Variants in YTHDC1 observed in about 807,000 individuals in gnomAD.
YTHDC1 encodes the protein YTH domain-containing protein 1.
A neutral mutation model predicts 107.0 loss-of-function variants in YTHDC1; 12 were observed. The ratio of observed to expected loss-of-function variants is 0.11; its 90% CI spans 0.07 to 0.18. The LOEUF (loss-of-function observed/expected upper bound fraction) is 0.18, where lower values mean the gene tolerates loss of function less well. Ranked by LOEUF, YTHDC1 falls within the 10% of genes least tolerant of loss-of-function variation. The probability of loss-of-function intolerance (pLI) is 1.00; values close to 1 mark genes in which losing one functional copy is unlikely to be tolerated. For synonymous variants in YTHDC1, 280 were observed against 289.5 expected, an observed-to-expected ratio of 0.97 and a Z score of 0.33; for missense variants, 635 against 898.8, an observed-to-expected ratio of 0.71 and a Z score of 3.75.
rs776943511 is a variant in YTHDC1, at chr4:68,349,748, C to T, written c.6G>A (p.Ala2=). The T allele has an allele frequency of 1.1e-5, 17 of 1,613,470 alleles. No individual in the cohort carries two copies. In the African/African-American group the frequency reaches 2.3e-4, roughly 22 times the overall value. The change falls in exon 1 of 17, where the codon GCG becomes GCA. Residue 2 remains alanine (A), a synonymous_variant. Coordinates refer to ENST00000344157, the MANE Select transcript of YTHDC1 (RefSeq NM_001031732.4). ...AACCTTTCTCCTCCCGACTGTCAGCCGCCATGGCTCCCCTTCGGTTTCCGC... is the reference window on the plus strand; with the variant it reads ...AACCTTTCTCCTCCCGACTGTCAGCTGCCATGGCTCCCCTTCGGTTTCCGC... M[A]ADSREEKDGE... is the part of the protein sequence containing the mutation.
chr4:68,316,300 C>T lies in YTHDC1; in HGVS notation c.1959+14G>A. ...AAGTAGTTCCCTCACACCTTTGCCTCCTTGTGCACTTACTACTCGTTTATC... is the reference window on the plus strand; with the variant it reads ...AAGTAGTTCCCTCACACCTTTGCCTTCTTGTGCACTTACTACTCGTTTATC... On this transcript the variant is annotated intron_variant, in intron 16 of 16. Transcript: ENST00000344157. 1.9e-6 allele frequency: 3 copies of T among 1,607,910 alleles called. No individual in the cohort carries two copies. The highest frequency in any genetic ancestry group is 1.3e-5 in the African/African-American group (1 of 74,820).
chr4:68,342,493 T>C lies in YTHDC1; in HGVS notation c.29-4109A>G, dbSNP rs116645450. Among the ~76,000 whole-genome samples the C allele has an allele frequency of 6.0e-3, 909 of 152,298 alleles. 11 individuals carry two copies. The highest frequency in any genetic ancestry group is 0.021 in the African/African-American group (858 of 41,548). On this transcript the variant is annotated intron_variant, in intron 1 of 16. Coordinates refer to ENST00000344157, the MANE Select transcript of YTHDC1 (RefSeq NM_001031732.4). ...TAGCTTCAAACAGAGGGGACACATA[T>C]TCCAATCACTGTTGACAGAAGTGTC...
chr4:68,311,851 T>C lies in YTHDC1; in HGVS notation c.*2248A>G, dbSNP rs1371607765. On this transcript the variant is annotated 3_prime_UTR_variant, in exon 17 of 17. Transcript: ENST00000344157. ...TGCTTAAGCCTGAAGGAAATGTTAA[T>C]GTTTAAAAATCTCAGGCCAGGTGCA... The C allele has an allele frequency of 4.6e-5, 7 of 152,228 alleles. No individual in the cohort carries two copies. The highest frequency in any genetic ancestry group is 1.4e-4 in the African/African-American group (6 of 41,454). 9.4% of individuals were successfully genotyped at this position (152,228 alleles called of 1,614,324 possible). A position where few individuals can be genotyped will look rare whatever the true frequency, so the allele number is the denominator to read the frequency against.
chr4:68,334,250 A>G (rs1723913041), intron 4 of YTHDC1, among the ~76,000 whole-genome samples: 1 of 152,222 alleles, frequency 6.6e-6, no homozygotes, highest in African/African-American at 2.4e-5. Context: ...GAAGAAAAAA[A>G]TGCATATACT....
At position 68,310,649 on chromosome 4, in the gene YTHDC1, A is replaced by C. The variant is rs1008842821; in HGVS notation, c.*3450T>G. On this transcript the variant is annotated 3_prime_UTR_variant, in exon 17 of 17. Coordinates refer to ENST00000344157, the MANE Select transcript of YTHDC1 (RefSeq NM_001031732.4). ...TTCTTTCCTGTGTGCCTCAATTTTA[A>C]TATGTGTTTCAAACTGCATTTGGAA... The C allele has an allele frequency of 6.8e-6, 1 of 146,812 alleles. No homozygotes were observed. The highest frequency in any genetic ancestry group is 1.6e-5 in the Non-Finnish European group (1 of 64,374). The allele number at this position is 146,812 out of a possible 1,614,324, so 9.1% of individuals were successfully genotyped here.
At chr4:68,330,173 TTA>T in intron 8 of YTHDC1, 27 bp downstream of exon 8, 1 of 1,574,852 alleles carries the variant, frequency 6.3e-7, no homozygotes, top group South Asian at 1.1e-5. Flanking sequence ...ATTAATGTTT[TTA>T]TATGTCCAAA....
At chr4:68,324,269 A>G in intron 9 of YTHDC1, 46 bp from the exon 10 acceptor site, 1 of 1,535,294 alleles carries the variant, frequency 6.5e-7, no homozygotes, top group Non-Finnish European at 9.0e-7. Flanking sequence ...AGAATCCTTT[A>G]AGGACCTTAT....
chr4:68,348,425 TACTC>T (rs1377629775), intron 1 of YTHDC1, among the ~76,000 whole-genome samples: 30 of 151,352 alleles, frequency 2.0e-4, no homozygotes, highest in African/African-American at 7.3e-4. Flanking sequence ...CATTTTCCTT[TACTC>T]ACTAACACCA....
rs1440721350 is a variant in YTHDC1, at chr4:68,335,160, G to A, written c.884-1763C>T. ...AAGTTACCAAAAATTCTGAGAATAA[G>A]GTAAAATGAACTGGAATCTAGAAAA... On this transcript the variant is annotated intron_variant, in intron 4 of 16. Transcript: ENST00000344157. 3.9e-5 allele frequency among the ~76,000 whole-genome samples: 6 copies of A among 152,078 alleles called. No individual in the cohort carries two copies. In the East Asian group the frequency reaches 1.2e-3, roughly 29 times the overall value.
intron 7 of YTHDC1, 100 bp from the exon 8 acceptor site, chr4:68,330,410 A>G (rs927441672): frequency 1.7e-5 from 12 of 693,676 alleles, no homozygotes; most frequent in Non-Finnish European, 2.4e-5. Flanking sequence ...GTGTGCTTTC[A>G]ATTTAAGTAA....
At chr4:68,325,077 T>C (rs773330377) in intron 9 of YTHDC1, among the ~76,000 whole-genome samples, 65 of 152,292 alleles carry the variant, frequency 4.3e-4, no homozygotes, top group Middle Eastern at 3.4e-3. Flanking sequence ...AAACAAATAA[T>C]GCCAAAATAA....
At chr4:68,316,561 C>T (rs145014737) in intron 15 of YTHDC1, 113 bp from the exon 16 acceptor site, 689 of 1,257,324 alleles carry the variant, frequency 5.5e-4, no homozygotes, top group Admixed American at 7.8e-4. Flanking sequence ...CTGTACTAGA[C>T]ATTTACTTTG....
intron 1 of YTHDC1, among the ~76,000 whole-genome samples, chr4:68,344,653 T>C (rs1725221485): frequency 6.6e-6 from 1 of 152,236 alleles, no homozygotes; most frequent in African/African-American, 2.4e-5. Flanking sequence ...GTGAATGTTT[T>C]GTATTAATAT....
At position 68,340,445 on chromosome 4, in the gene YTHDC1, A is replaced by C. The variant is rs150571890; in HGVS notation, c.29-2061T>G. ...TTACTTTTAAAAAATCTTATTTAAA[A>C]TCAAGATATGTCAAACAAAAAAGCT... On this transcript the variant is annotated intron_variant, in intron 1 of 16. Coordinates refer to ENST00000344157, the MANE Select transcript of YTHDC1 (RefSeq NM_001031732.4). 1.8e-3 allele frequency among the ~76,000 whole-genome samples: 268 copies of C among 152,226 alleles called. 1 individual carries two copies. Among genetic ancestry groups the C allele is most frequent in the African/African-American group, 6.3e-3 (261 of 41,572 alleles).
intron 1 of YTHDC1, among the ~76,000 whole-genome samples, chr4:68,341,228 T>C (rs529790159): frequency 1.3e-5 from 2 of 152,240 alleles, no homozygotes; most frequent in East Asian, 3.9e-4. Flanking sequence ...CTTTAGAAAT[T>C]GACAGTTAAA....
At chr4:68,314,389 T>G (rs1436590609) in intron 16 of YTHDC1, 66 bp from the exon 17 acceptor site, 1 of 1,379,360 alleles carries the variant, frequency 7.2e-7, no homozygotes, top group Non-Finnish European at 9.7e-7. Flanking sequence ...GATCCCTGAT[T>G]TGAAAAAAAA....
chr4:68,314,386 G>A, intron 16 of YTHDC1, 63 bp from the exon 17 acceptor site: 2 of 1,386,984 alleles, frequency 1.4e-6, no homozygotes, highest in Admixed American at 2.6e-5. Flanking sequence ...GTGGATCCCT[G>A]ATTTGAAAAA....
intron 1 of YTHDC1, among the ~76,000 whole-genome samples, chr4:68,341,673 C>G (rs945747702): frequency 1.3e-5 from 2 of 152,064 alleles, no homozygotes; most frequent in African/African-American, 4.8e-5. Flanking sequence ...TTGCCAACCC[C>G]TGATATAATA....
chr4:68,341,207 T>C (rs1476780231), intron 1 of YTHDC1, among the ~76,000 whole-genome samples: 4 of 152,172 alleles, frequency 2.6e-5, no homozygotes, highest in Non-Finnish European at 5.9e-5. Flanking sequence ...GATATTAGTA[T>C]GAAGTTCCGG....
Sources: gnomAD v4.1 joint callset for allele counts (sites outside exome capture counted in the v4.1 genomes callset) on GRCh38, gnomAD v4.1.1 for gene constraint, MANE v1.5 for transcripts, NCBI Gene and HGNC (gene_info 2026-07-23, HGNC 2026-07-21) for gene names.